Variants in NF2 observed in about 807,000 individuals in gnomAD.
The protein encoded by NF2 is merlin.
Under a neutral mutation model 83.7 loss-of-function variants are expected in NF2, and 8 were observed. The observed-to-expected ratio is 0.10, with a 90% confidence interval of 0.06 to 0.17. The LOEUF is 0.17. Ranked by LOEUF, NF2 falls within the 10% of genes least tolerant of loss-of-function variation. The pLI is 1.00. For missense variants in NF2, 533 were observed against 744.4 expected (o/e 0.72, Z 3.31); for synonymous variants, 266 against 269.6 (o/e 0.99, Z 0.13).
intron 3 of NF2, among the ~76,000 whole-genome samples, chr22:29,641,915 C>T (rs1190513688): frequency 6.6e-6 from 1 of 152,220 alleles, no homozygotes; most frequent in Non-Finnish European, 1.5e-5. Context: ...AGCGCTCTGT[C>T]ACACAGCCTC....
chr22:29,605,647 C>T (rs545582561), intron 1 of NF2, among the ~76,000 whole-genome samples: 34 of 152,178 alleles, frequency 2.2e-4, no homozygotes, highest in African/African-American at 7.5e-4. Context: ...TTAAACCCTC[C>T]GGCAATGGTC....
chr22:29,624,910 T>C (rs2065320886), intron 1 of NF2, among the ~76,000 whole-genome samples: 1 of 150,446 alleles, frequency 6.6e-6, no homozygotes, highest in South Asian at 2.1e-4. Flanking sequence ...TTTCTCTCTC[T>C]CTCTCTCTCT....
chr22:29,646,773 G>T (rs992880944), intron 4 of NF2, among the ~76,000 whole-genome samples: 7 of 152,204 alleles, frequency 4.6e-5, no homozygotes, highest in African/African-American at 1.7e-4. Context: ...ACTGGGCACA[G>T]TGGCTCACAC....
At chr22:29,675,114 G>C (rs977669647) in intron 13 of NF2, among the ~76,000 whole-genome samples, 173 bp downstream of exon 13, 1 of 152,200 alleles carries the variant, frequency 6.6e-6, no homozygotes, top group Non-Finnish European at 1.5e-5. Flanking sequence ...ATCCTGGTCT[G>C]CCATTTGGCT....
intron 6 of NF2, among the ~76,000 whole-genome samples, chr22:29,657,693 T>C (rs1160133872): frequency 1.3e-5 from 2 of 152,232 alleles, no homozygotes; most frequent in Non-Finnish European, 2.9e-5. Flanking sequence ...GAAGGTGATC[T>C]GACTTGGGTT....
At chr22:29,640,154 C>T (rs1601585725) in intron 3 of NF2, among the ~76,000 whole-genome samples, 2 of 136,838 alleles carry the variant, frequency 1.5e-5, no homozygotes, top group African/African-American at 5.4e-5. Flanking sequence ...AAAATTGAGT[C>T]ACTTCACTCT....
At position 29,636,141 on chromosome 22, in the gene NF2, C is replaced by G. The variant is rs1241742653; in HGVS notation, c.115-610C>G. 1.3e-5 allele frequency among the ~76,000 whole-genome samples: 2 copies of G among 152,076 alleles called. No homozygotes were observed. Among genetic ancestry groups the G allele is most frequent in the African/African-American group, 4.8e-5 (2 of 41,386 alleles). On this transcript the variant is annotated intron_variant, in intron 1 of 15. Transcript: ENST00000338641. This position sits in a 1 kb window ranked among gnomAD's most constrained non-coding sequence, Gnocchi z 4.4. ...TTTAGATACCAGGAGTTTGAATTTG[C>G]TCTGGGTGACTGGGTGAGTAGCTTC...
intron 15 of NF2, chr22:29,683,521 C>G: frequency 1.8e-6 from 2 of 1,124,310 alleles, no homozygotes; most frequent in Non-Finnish European, 2.2e-6. Context: ...TCACACCTGG[C>G]AGCTTCTGGT....
chr22:29,692,807 C>T (rs555909481), intron 15 of NF2, among the ~76,000 whole-genome samples: 1 of 152,366 alleles, frequency 6.6e-6, no homozygotes, highest in East Asian at 1.9e-4. Flanking sequence ...CTGCCGAGTT[C>T]CCACCATGCG....
At chr22:29,659,923 T>G (rs1008769991) in intron 7 of NF2, among the ~76,000 whole-genome samples, 1 of 152,186 alleles carries the variant, frequency 6.6e-6, no homozygotes, top group African/African-American at 2.4e-5. Context: ...GACTTCAGGA[T>G]GTTAGGAGTA....
chr22:29,604,019 C>T lies in NF2; in HGVS notation c.21C>T (p.Ser7=), dbSNP rs1208509021. 2.5e-6 allele frequency: 4 copies of T among 1,593,728 alleles called. No individual in the cohort carries two copies. Among genetic ancestry groups the T allele is most frequent in the Non-Finnish European group, 3.4e-6 (4 of 1,170,524 alleles). Residue 7 remains serine, a synonymous_variant, in exon 1 of 16, where the codon TCC becomes TCT. Coordinates refer to ENST00000338641, the MANE Select transcript of NF2 (RefSeq NM_000268.4). MAGAIA[S]RMSFSSLKRK... ...GCGCCATGGCCGGGGCCATCGCTTCCCGCATGAGCTTCAGCTCTCTCAAGA... is the reference window on the plus strand; with the variant it reads ...GCGCCATGGCCGGGGCCATCGCTTCTCGCATGAGCTTCAGCTCTCTCAAGA...
At chr22:29,672,862 T>C (rs2860417) in intron 11 of NF2, among the ~76,000 whole-genome samples, 111,217 of 150,922 alleles carry the variant, frequency 0.74, 41,815 homozygotes, top group East Asian at 0.91. Context: ...TCAGGTGATC[T>C]GCCCGCCTCA....
rs570786198 is a variant in NF2, at chr22:29,675,332, G to A, written c.1446+391G>A. ...TAATTATAGTTCTGGGAAGGGATTG[G>A]CTGTACACCTCAGAGTGAATTACTG... On this transcript the variant is annotated intron_variant, in intron 13 of 15. Transcript: ENST00000338641. Among the ~76,000 whole-genome samples the A allele has an allele frequency of 1.6e-4, 24 of 152,316 alleles. No homozygotes were observed. In the East Asian group the frequency reaches 4.6e-3, roughly 29 times the overall value.
At position 29,671,822 on chromosome 22, in the gene NF2, G is replaced by A. The variant is rs200113152; in HGVS notation, c.1000-4G>A. On this transcript the variant is annotated splice_polypyrimidine_tract_variant and splice_region_variant and intron_variant, in intron 10 of 15. Coordinates refer to ENST00000338641, the MANE Select transcript of NF2 (RefSeq NM_000268.4). ...CAATGACTGTTTTTCTTCACCCCTCGCAGATGGAGCGGCAGCGCCTCGCTC... is the reference window on the plus strand; with the variant it reads ...CAATGACTGTTTTTCTTCACCCCTCACAGATGGAGCGGCAGCGCCTCGCTC... The A allele has an allele frequency of 2.5e-5, 40 of 1,613,922 alleles. No individual in the cohort carries two copies. The highest frequency in any genetic ancestry group is 1.3e-4 in the East Asian group (6 of 44,870).
Position 29,640,194 on chromosome 22 carries a change from T to TAA in NF2, c.363+1006_363+1007dup, listed in dbSNP as rs11379333. ...TGGGTGACAGAGTGAGACTCTGTCT[T>TAA]AAAAAAAAAAAAAAAAAAAAAAAAA... On this transcript the variant is annotated intron_variant, in intron 3 of 15. Coordinates refer to ENST00000338641, the MANE Select transcript of NF2 (RefSeq NM_000268.4). Among the ~76,000 whole-genome samples, 194 of 92,782 alleles carry TAA rather than the reference T, an allele frequency of 2.1e-3. 1 individual carries two copies. Among genetic ancestry groups the TAA allele is most frequent in the Middle Eastern group, 6.2e-3 (1 of 162 alleles). The allele number at this position is 92,782 out of a possible 152,430, so 60.9% of individuals were successfully genotyped here.
chr22:29,609,223 A>G, intron 1 of NF2: 3 of 732,846 alleles, frequency 4.1e-6, no homozygotes, highest in Non-Finnish European at 7.7e-6. Flanking sequence ...CTAATCAACT[A>G]GGTATGACCT....
At chr22:29,616,745 GA>G (rs76401799) in intron 1 of NF2, among the ~76,000 whole-genome samples, 2,134 of 85,674 alleles carry the variant, frequency 0.025, 24 homozygotes, top group Admixed American at 0.055. Flanking sequence ...TCCGTCTCAA[GA>G]AAAAAAAAAA....
At position 29,688,449 on chromosome 22, in the gene NF2, A is replaced by G. The variant is rs573930026; in HGVS notation, c.1738-6303A>G. ...TGTGATTTCTCTTTTGATGTTGGCA[A>G]TTTTAAAATGACATCAGTCTATCTG... On this transcript the variant is annotated intron_variant, in intron 15 of 15. Coordinates refer to ENST00000338641, the MANE Select transcript of NF2 (RefSeq NM_000268.4). Among the ~76,000 whole-genome samples the G allele has an allele frequency of 7.6e-4, 115 of 152,278 alleles. 2 individuals carry two copies. Among genetic ancestry groups the G allele is most frequent in the African/African-American group, 2.7e-3 (113 of 41,556 alleles).
In NF2 at chr22:29,619,691, G is replaced by A. The variant is rs139471843; in HGVS notation, c.114+15579G>A. 9.4e-3 allele frequency among the ~76,000 whole-genome samples: 1,425 copies of A among 152,162 alleles called. 24 individuals are homozygous for A. The highest frequency in any genetic ancestry group is 0.033 in the African/African-American group (1,361 of 41,516). On this transcript the variant is annotated intron_variant, in intron 1 of 15. Coordinates refer to ENST00000338641, the MANE Select transcript of NF2 (RefSeq NM_000268.4). ...ATTACAGGCATGAGCCACCGTGCCCGACCTCTCCCATGGGTTTTAAGTAGT... is the reference window on the plus strand; with the variant it reads ...ATTACAGGCATGAGCCACCGTGCCCAACCTCTCCCATGGGTTTTAAGTAGT...
Sources: allele counts gnomAD v4.1 joint callset (sites outside exome capture counted in the v4.1 genomes callset), GRCh38; gene constraint gnomAD v4.1.1; non-coding constraint Gnocchi (gnomAD v3.1); transcripts MANE v1.5; gene names NCBI Gene and HGNC (gene_info 2026-07-23, HGNC 2026-07-21).